TEX11: variants seen among roughly 807,000 people sequenced by gnomAD.
The protein encoded by TEX11 is testis-expressed protein 11.
A neutral mutation model predicts 84.4 loss-of-function variants in TEX11; 7 were observed. That is an observed-to-expected ratio of 0.08 (90% CI 0.05 to 0.16). TEX11 has a LOEUF of 0.16. Ranked by LOEUF, TEX11 falls within the 10% of genes least tolerant of loss-of-function variation. The pLI is 1.00. For missense variants in TEX11, 551 were observed against 660.5 expected (o/e 0.83, Z 1.82); for synonymous variants, 264 against 222.8 (o/e 1.18, Z -1.64).
chrX:70,653,951 A>T (rs1253015669), intron 16 of TEX11, among the ~76,000 whole-genome samples: 1 of 112,203 alleles, frequency 8.9e-6, no homozygotes, highest in Non-Finnish European at 1.9e-5. Context: ...TACATACTGC[A>T]CGATTCCAAT....
chrX:70,630,105 G>T (rs184627070), intron 17 of TEX11, among the ~76,000 whole-genome samples: 1 of 111,233 alleles, frequency 9.0e-6, no homozygotes, highest in Non-Finnish European at 1.9e-5. Context: ...GAGGTCAGGA[G>T]ATCGAGACCA....
At chrX:70,809,845 C>A (rs190209072) in intron 8 of TEX11, among the ~76,000 whole-genome samples, 1 of 110,979 alleles carries the variant, frequency 9.0e-6, no homozygotes, top group South Asian at 3.9e-4. Flanking sequence ...TACAGGCACC[C>A]GCCACCAAGC....
intron 8 of TEX11, among the ~76,000 whole-genome samples, chrX:70,817,201 A>C (rs1445053610): frequency 9.4e-6 from 1 of 106,602 alleles, no homozygotes; most frequent in Non-Finnish European, 1.9e-5. Context: ...ATATACATAC[A>C]CACACACATA....
At chrX:70,582,741 TA>T (rs2088794800) in intron 25 of TEX11, among the ~76,000 whole-genome samples, 1 of 56,503 alleles carries the variant, frequency 1.8e-5, no homozygotes, top group Non-Finnish European at 3.4e-5. Context: ...TTTATTTATT[TA>T]TTTATTTATT....
intron 21 of TEX11, 69 bp from the exon 22 acceptor site, chrX:70,609,246 C>A: frequency 1.0e-6 from 1 of 958,487 alleles, no homozygotes; most frequent in Non-Finnish European, 1.4e-6. Flanking sequence ...TTTAATCCTG[C>A]TTTAAGAACA....
intron 8 of TEX11, among the ~76,000 whole-genome samples, chrX:70,820,051 A>G (rs1309499644): frequency 2.0e-4 from 22 of 112,295 alleles, no homozygotes; most frequent in Non-Finnish European, 2.1e-4. Flanking sequence ...CATTCTTTAC[A>G]GATAGGAAAA....
intron 16 of TEX11, among the ~76,000 whole-genome samples, chrX:70,659,712 CA>C (rs757825118): frequency 9.0e-6 from 1 of 111,601 alleles, no homozygotes; most frequent in South Asian, 3.7e-4. Flanking sequence ...GGTAAATACT[CA>C]AAAAAACTGA....
chrX:70,750,236 C>T (rs2090804973), intron 9 of TEX11, among the ~76,000 whole-genome samples: 1 of 111,197 alleles, frequency 9.0e-6, no homozygotes, highest in Non-Finnish European at 1.9e-5. Flanking sequence ...CCATCTCACA[C>T]CAGTTAGAAT....
chrX:70,699,656 T>A (rs1311566640), intron 13 of TEX11, among the ~76,000 whole-genome samples: 1 of 111,571 alleles, frequency 9.0e-6, no homozygotes, highest in Non-Finnish European at 1.9e-5. Flanking sequence ...AAGTGACCCA[T>A]GAGGAAAGAA....
At chrX:70,715,749 A>G (rs908767175) in intron 13 of TEX11, among the ~76,000 whole-genome samples, 7 of 111,059 alleles carry the variant, frequency 6.3e-5, no homozygotes, top group Non-Finnish European at 1.3e-4. Context: ...TCCTCCTTTA[A>G]CTTGGAGTAG....
At chrX:70,582,891 G>A (rs1169081816) in intron 25 of TEX11, among the ~76,000 whole-genome samples, 2 of 108,747 alleles carry the variant, frequency 1.8e-5, no homozygotes, top group African/African-American at 3.3e-5. Flanking sequence ...GATTACAGGC[G>A]TGCACCACCA....
intron 16 of TEX11, among the ~76,000 whole-genome samples, chrX:70,662,722 A>G (rs1007965075): frequency 8.9e-6 from 1 of 111,835 alleles, no homozygotes; most frequent in African/African-American, 3.3e-5. Flanking sequence ...AATTGAGTGA[A>G]AGAAGCCAGA....
chrX:70,553,428 A>AG lies in TEX11; in HGVS notation c.2291-15dup. On this transcript the variant is annotated splice_polypyrimidine_tract_variant and intron_variant, in intron 26 of 29. Transcript: ENST00000374333. ...CCATTGCTATTACTAGAGTAAGAAA[A>AG]GGAAAAAGGTTGTGAACATGATAAT... 1 of 1,127,048 alleles carries AG rather than the reference A, an allele frequency of 8.9e-7. No homozygotes were observed. The highest frequency in any genetic ancestry group is 2.4e-5 in the Admixed American group (1 of 42,039). The allele number at this position is 1,127,048 out of a possible 1,213,427, so 92.9% of individuals were successfully genotyped here.
intron 20 of TEX11, among the ~76,000 whole-genome samples, chrX:70,615,003 C>A (rs778936378): frequency 1.8e-5 from 2 of 111,081 alleles, no homozygotes; most frequent in South Asian, 7.8e-4. Flanking sequence ...TGTGGTGTCC[C>A]CTAATGCAGA....
the TEX11 span, among the ~76,000 whole-genome samples, chrX:70,511,718 A>C: frequency 1.1e-5 from 1 of 90,694 alleles, no homozygotes; most frequent in Non-Finnish European, 2.2e-5. Flanking sequence ...GCACCATTGC[A>C]CTCCAACCTG....
At chrX:70,777,841 G>C (rs1181423849) in intron 9 of TEX11, among the ~76,000 whole-genome samples, 1 of 110,697 alleles carries the variant, frequency 9.0e-6, no homozygotes, top group Non-Finnish European at 1.9e-5. Flanking sequence ...GAAGAGCAAA[G>C]AAACTATAAA....
chrX:70,569,734 C>T (rs1052116308), intron 25 of TEX11, among the ~76,000 whole-genome samples: 15 of 111,421 alleles, frequency 1.3e-4, no homozygotes, highest in Non-Finnish European at 9.4e-5. Context: ...TTTCGTGAAC[C>T]GCAAATGCTG....
intron 24 of TEX11, among the ~76,000 whole-genome samples, chrX:70,595,724 T>TA (rs1373641858): frequency 9.0e-6 from 1 of 111,120 alleles, no homozygotes; most frequent in Non-Finnish European, 1.9e-5. Context: ...AAATCAGGAA[T>TA]AAAAAATACA....
chrX:70,544,630 A>G (rs998952190), intron 28 of TEX11, among the ~76,000 whole-genome samples: 8 of 109,501 alleles, frequency 7.3e-5, no homozygotes, highest in African/African-American at 2.3e-4. Flanking sequence ...ACTTGAGGTC[A>G]GGAGTTTGAG....
Sources: allele counts gnomAD v4.1 joint callset (sites outside exome capture counted in the v4.1 genomes callset), GRCh38; gene constraint gnomAD v4.1.1; transcripts MANE v1.5; gene names NCBI Gene and HGNC (gene_info 2026-07-23, HGNC 2026-07-21).